Variants in IL1RAPL1 observed in about 807,000 individuals in gnomAD.
IL1RAPL1 encodes interleukin 1 receptor accessory protein like 1, also known as interleukin-1 receptor accessory protein-like 1.
IL1RAPL1 carries 3 observed loss-of-function variants against 48.4 expected under a neutral mutation model. The ratio of observed to expected loss-of-function variants is 0.06; its 90% confidence interval spans 0.03 to 0.16. The LOEUF is 0.16. Ranked by LOEUF, IL1RAPL1 falls within the 10% of genes least tolerant of loss-of-function variation. IL1RAPL1 has a pLI of 1.00. For missense variants in IL1RAPL1, 349 were observed against 530.6 expected, an observed-to-expected ratio of 0.66 and a Z score of 3.36; for synonymous variants, 185 against 187.7, an observed-to-expected ratio of 0.99 and a Z score of 0.12.
chrX:29,234,774 A>G (rs376856583), intron 2 of IL1RAPL1, among the ~76,000 whole-genome samples: 286 of 112,325 alleles, frequency 2.5e-3, no homozygotes, highest in African/African-American at 8.2e-3. Context: ...TGACTTTACT[A>G]AGCTTCGGTT....
chrX:28,849,288 G>A (rs1921595828), intron 2 of IL1RAPL1, among the ~76,000 whole-genome samples: 1 of 111,529 alleles, frequency 9.0e-6, no homozygotes, highest in Non-Finnish European at 1.9e-5. Flanking sequence ...TTTCATCTCT[G>A]TGTACCCATT....
At chrX:28,749,132 A>G (rs897365401) in intron 1 of IL1RAPL1, among the ~76,000 whole-genome samples, 1 of 111,926 alleles carries the variant, frequency 8.9e-6, no homozygotes. Flanking sequence ...GATTCTGTAG[A>G]TATACCACAT....
At chrX:28,627,161 C>G (rs752451885) in intron 1 of IL1RAPL1, among the ~76,000 whole-genome samples, 7 of 111,982 alleles carry the variant, frequency 6.3e-5, no homozygotes, top group Non-Finnish European at 1.3e-4. Context: ...CAGTTCATGG[C>G]TCCCTTTAAC....
intron 2 of IL1RAPL1, among the ~76,000 whole-genome samples, chrX:29,207,857 C>T (rs909135708): frequency 1.8e-5 from 2 of 111,850 alleles, no homozygotes; most frequent in African/African-American, 3.2e-5. Context: ...CCTGTCAACA[C>T]GTGAGCAGTA....
Position 28,910,365 on chromosome X carries a change from C to T in IL1RAPL1, c.82+120940C>T, listed in dbSNP as rs545589057. ...TAGTAATATGTGAAATCTTAGGATT[C>T]TGTGTCATTCCCTTTATTTTATAGG... On this transcript the variant is annotated intron_variant, in intron 2 of 10. Coordinates refer to ENST00000378993, the MANE Select transcript of IL1RAPL1 (RefSeq NM_014271.4). Among the ~76,000 whole-genome samples, 39 of 110,785 alleles carry T rather than the reference C, an allele frequency of 3.5e-4. 1 individual carries two copies. The South Asian group carries it at 0.014, about 40-fold the overall frequency.
chrX:29,912,165 G>A (rs1392089816), intron 6 of IL1RAPL1, among the ~76,000 whole-genome samples: 1 of 111,835 alleles, frequency 8.9e-6, no homozygotes, highest in East Asian at 2.8e-4. Flanking sequence ...ACTTTTGCAA[G>A]CTGGTGTGGA....
At chrX:29,137,991 T>C (rs930874007) in intron 2 of IL1RAPL1, among the ~76,000 whole-genome samples, 2 of 112,808 alleles carry the variant, frequency 1.8e-5, no homozygotes, top group African/African-American at 6.4e-5. Context: ...AAGTGTTATT[T>C]ATTTTAGCTT....
chrX:28,971,876 T>TTTG (rs768970165), intron 2 of IL1RAPL1, among the ~76,000 whole-genome samples: 2 of 84,488 alleles, frequency 2.4e-5, no homozygotes, highest in African/African-American at 9.1e-5. Flanking sequence ...ACTCTGAAAA[T>TTTG]TGTGTGTGTG....
chrX:29,490,680 T>C (rs1255705570), intron 5 of IL1RAPL1, among the ~76,000 whole-genome samples: 3 of 111,200 alleles, frequency 2.7e-5, no homozygotes, highest in African/African-American at 1.0e-4. Flanking sequence ...CTAACCTTTT[T>C]CTTTTATTAT....
rs371527870 is a variant in IL1RAPL1, at chrX:28,669,609, G to C, written c.-25+81562G>C. ...CTCCAGCCTGGGTGACAGAGTGAGA[G>C]GCTCTATCTCAAAAAATATTATATA... On this transcript the variant is annotated intron_variant, in intron 1 of 10. Transcript: ENST00000378993. Among the ~76,000 whole-genome samples the C allele has an allele frequency of 1.4e-4, 14 of 102,722 alleles. No individual in the cohort carries two copies. In the East Asian group the frequency reaches 3.6e-3, roughly 26 times the overall value. 89.2% of individuals were successfully genotyped at this position (102,722 alleles called of 115,157 possible).
chrX:29,144,400 C>T (rs188085316), intron 2 of IL1RAPL1, among the ~76,000 whole-genome samples: 3 of 108,056 alleles, frequency 2.8e-5, no homozygotes, highest in Admixed American at 9.9e-5. Flanking sequence ...GTCAGGAGTT[C>T]GAGACCAACC....
intron 2 of IL1RAPL1, among the ~76,000 whole-genome samples, chrX:29,271,672 AGT>A (rs1486812510): frequency 9.0e-6 from 1 of 111,589 alleles, no homozygotes; most frequent in African/African-American, 3.3e-5. Flanking sequence ...TCTTTTGAAG[AGT>A]GTCTGTTCAT....
intron 3 of IL1RAPL1, among the ~76,000 whole-genome samples, chrX:29,339,714 T>G (rs1017920000): frequency 8.9e-6 from 1 of 112,158 alleles, no homozygotes; most frequent in Non-Finnish European, 1.9e-5. Flanking sequence ...AGTCCACATT[T>G]TATTCAGCTT....
At chrX:29,855,223 G>A (rs746313194) in intron 6 of IL1RAPL1, among the ~76,000 whole-genome samples, 7 of 111,667 alleles carry the variant, frequency 6.3e-5, no homozygotes, top group Non-Finnish European at 1.1e-4. Context: ...ATCAGTGTAG[G>A]AGGAAATTCA....
chrX:29,669,276 C>T (rs1032078345), intron 6 of IL1RAPL1, among the ~76,000 whole-genome samples: 17 of 111,210 alleles, frequency 1.5e-4, no homozygotes, highest in African/African-American at 5.5e-4. Context: ...TAAACTTTGG[C>T]AGAAGAGTTT....
intron 3 of IL1RAPL1, among the ~76,000 whole-genome samples, chrX:29,289,914 CAT>C (rs1429766424): frequency 2.7e-5 from 3 of 112,010 alleles, no homozygotes; most frequent in African/African-American, 9.7e-5. Flanking sequence ...ATTTTAAAAA[CAT>C]ATTTTTTTCA....
At chrX:29,570,465 A>C (rs1443910991) in intron 5 of IL1RAPL1, among the ~76,000 whole-genome samples, 1 of 112,639 alleles carries the variant, frequency 8.9e-6, no homozygotes, top group African/African-American at 3.2e-5. Flanking sequence ...TTCACTGGTG[A>C]GTCTACTATT....
At chrX:29,336,539 C>T (rs1932999570) in intron 3 of IL1RAPL1, among the ~76,000 whole-genome samples, 1 of 109,234 alleles carries the variant, frequency 9.2e-6, no homozygotes. Context: ...AGCGTTGTGG[C>T]CAACACTCCT....
intron 2 of IL1RAPL1, among the ~76,000 whole-genome samples, chrX:29,178,693 T>C (rs2147518942): frequency 8.9e-6 from 1 of 112,081 alleles, no homozygotes; most frequent in South Asian, 3.7e-4. Context: ...TGAATGGTAT[T>C]GCCTAGGTTT....
Sources: gnomAD v4.1 joint callset for allele counts (sites outside exome capture counted in the v4.1 genomes callset) on GRCh38, gnomAD v4.1.1 for gene constraint, MANE v1.5 for transcripts, NCBI Gene and HGNC (gene_info 2026-07-23, HGNC 2026-07-21) for gene names.